CDH13: variants seen among roughly 807,000 people sequenced by gnomAD.
The protein encoded by CDH13 is cadherin-13.
In CDH13, 24 loss-of-function variants were observed where a neutral mutation model predicts 63.8. The observed-to-expected ratio is 0.38, with a 90% CI of 0.27 to 0.53. The LOEUF is 0.53. Among genes scored for constraint, CDH13 ranks in the 20% least tolerant of loss-of-function variants. The pLI is 0.85. For synonymous variants in CDH13, 503 were observed against 355.3 expected, an observed-to-expected ratio of 1.42 and a Z score of -4.67; for missense variants, 1,049 against 903.1, an observed-to-expected ratio of 1.16 and a Z score of -2.07.
intron 1 of CDH13, among the ~76,000 whole-genome samples, chr16:82,642,486 CT>C (rs1234864199): frequency 1.3e-5 from 2 of 152,150 alleles, no homozygotes; most frequent in African/African-American, 4.8e-5. Context: ...TTACATTGTT[CT>C]TTTTCTCTCT....
At chr16:83,169,198 G>C (rs1297395814) in intron 4 of CDH13, among the ~76,000 whole-genome samples, 2 of 126,828 alleles carry the variant, frequency 1.6e-5, no homozygotes, top group East Asian at 2.2e-4. Flanking sequence ...TTTTTTTTGA[G>C]ACGGCATCTC....
intron 3 of CDH13, among the ~76,000 whole-genome samples, chr16:83,094,346 C>G (rs560765827): frequency 6.6e-6 from 1 of 152,178 alleles, no homozygotes; most frequent in Non-Finnish European, 1.5e-5. Context: ...TCAGGAGTAA[C>G]CCACATTATT....
chr16:82,755,410 A>C (rs1161733863), intron 1 of CDH13, among the ~76,000 whole-genome samples: 2 of 152,216 alleles, frequency 1.3e-5, no homozygotes, highest in East Asian at 3.9e-4. Flanking sequence ...AGATTAGAAA[A>C]GGGAGTGCAC....
intron 11 of CDH13, among the ~76,000 whole-genome samples, chr16:83,778,773 A>G (rs1045332100): frequency 1.3e-5 from 2 of 152,134 alleles, no homozygotes; most frequent in Non-Finnish European, 2.9e-5. Flanking sequence ...AGGGTCAGCC[A>G]TCCCAGCCCC....
At chr16:83,529,308 C>A (rs548318718) in intron 7 of CDH13, among the ~76,000 whole-genome samples, 27 of 152,150 alleles carry the variant, frequency 1.8e-4, no homozygotes, top group African/African-American at 6.0e-4. Flanking sequence ...CAGGCTTTGT[C>A]TTTTGCCCAG....
chr16:83,478,881 C>T (rs560364589), intron 6 of CDH13, among the ~76,000 whole-genome samples: 4 of 150,858 alleles, frequency 2.7e-5, no homozygotes, highest in African/African-American at 4.9e-5. Context: ...GAATGATGAG[C>T]AGTGGCCTCC....
chr16:82,728,752 C>G (rs1258087297), intron 1 of CDH13, among the ~76,000 whole-genome samples: 1 of 152,100 alleles, frequency 6.6e-6, no homozygotes, highest in African/African-American at 2.4e-5. Context: ...CTGACTGTTT[C>G]TTTTACAAAA....
At chr16:82,913,136 A>T (rs1266487586) in intron 2 of CDH13, among the ~76,000 whole-genome samples, 2 of 152,120 alleles carry the variant, frequency 1.3e-5, no homozygotes, top group African/African-American at 2.4e-5. Flanking sequence ...TTTCTTAAAA[A>T]ACTCAGTAGA....
At chr16:83,073,321 C>CTG (rs567463667) in intron 3 of CDH13, among the ~76,000 whole-genome samples, 5,626 of 139,546 alleles carry the variant, frequency 0.04, 109 homozygotes, top group South Asian at 0.056. Flanking sequence ...GGGTGTGTGT[C>CTG]TGTGTGTGTG....
At chr16:83,259,719 G>T (rs899591197) in intron 5 of CDH13, among the ~76,000 whole-genome samples, 1 of 152,050 alleles carries the variant, frequency 6.6e-6, no homozygotes, top group Non-Finnish European at 1.5e-5. Flanking sequence ...ATAGGTATAC[G>T]TGATTTTGAC....
intron 8 of CDH13, among the ~76,000 whole-genome samples, chr16:83,609,407 G>T (rs1033812830): frequency 2.0e-5 from 3 of 152,120 alleles, no homozygotes; most frequent in African/African-American, 7.2e-5. Context: ...ACACATATTA[G>T]CTAAGTTGTC....
intron 2 of CDH13, among the ~76,000 whole-genome samples, chr16:82,875,842 A>T (rs1243606458): frequency 6.6e-6 from 1 of 152,236 alleles, no homozygotes; most frequent in African/African-American, 2.4e-5. Context: ...GTCCTGTATT[A>T]GTCTGTTTTC....
intron 8 of CDH13, among the ~76,000 whole-genome samples, chr16:83,637,299 C>G (rs1206905710): frequency 7.9e-5 from 3 of 37,794 alleles, no homozygotes; most frequent in Non-Finnish European, 1.0e-4. Context: ...GTCTACAGCT[C>G]CCAGCGTGAG....
chr16:82,853,509 G>A (rs955191757), intron 1 of CDH13, among the ~76,000 whole-genome samples: 1 of 152,132 alleles, frequency 6.6e-6, no homozygotes, highest in Non-Finnish European at 1.5e-5. Context: ...TAACGGGTGA[G>A]ATACCATTAC....
chr16:83,480,116 G>C (rs1265228434), intron 6 of CDH13, among the ~76,000 whole-genome samples: 2 of 152,282 alleles, frequency 1.3e-5, no homozygotes, highest in African/African-American at 4.8e-5. Flanking sequence ...CTTGACTCCA[G>C]GGGTTCAAGA....
intron 8 of CDH13, among the ~76,000 whole-genome samples, chr16:83,622,504 G>A (rs1210123051): frequency 6.6e-6 from 1 of 152,160 alleles, no homozygotes; most frequent in Admixed American, 6.5e-5. Context: ...GTATATTCAT[G>A]TGCGTATCTA....
chr16:82,869,830 C>G (rs1394916960), intron 2 of CDH13, among the ~76,000 whole-genome samples: 1 of 152,074 alleles, frequency 6.6e-6, no homozygotes, highest in African/African-American at 2.4e-5. Context: ...AAAAGCAAAT[C>G]AAAATGAATT....
At chr16:83,302,184 A>G (rs1345316898) in intron 5 of CDH13, among the ~76,000 whole-genome samples, 1 of 152,218 alleles carries the variant, frequency 6.6e-6, no homozygotes, top group East Asian at 1.9e-4. Flanking sequence ...GCCTCATGAC[A>G]TCATAGAAAA....
At chr16:83,765,464 A>C (rs1333295603) in intron 11 of CDH13, among the ~76,000 whole-genome samples, 1 of 152,188 alleles carries the variant, frequency 6.6e-6, no homozygotes, top group East Asian at 1.9e-4. Flanking sequence ...TATAGTATAC[A>C]CGGAAACCTG....
Sources: allele counts gnomAD v4.1 joint callset (sites outside exome capture counted in the v4.1 genomes callset), GRCh38; gene constraint gnomAD v4.1.1; transcripts MANE v1.5; gene names NCBI Gene and HGNC (gene_info 2026-07-23, HGNC 2026-07-21).